The following RIMS1 variants were observed in gnomAD, a reference collection of about 807,000 sequenced individuals.
RIMS1 encodes regulating synaptic membrane exocytosis protein 1.
In RIMS1, 83 loss-of-function variants were observed where a neutral mutation model predicts 214.1. That is an observed-to-expected ratio of 0.39 (90% CI 0.32 to 0.47). RIMS1 has a LOEUF of 0.47. Among genes scored for constraint, RIMS1 ranks in the 20% least tolerant of loss-of-function variants. RIMS1 has a pLI of 0.99. For synonymous variants in RIMS1, 793 were observed against 786.8 expected (o/e 1.01, Z -0.13); for missense variants, 2,050 against 2,161.8 (o/e 0.95, Z 1.03).
intron 2 of RIMS1, among the ~76,000 whole-genome samples, chr6:72,067,376 C>A (rs184780779): frequency 1.1e-4 from 17 of 152,186 alleles, no homozygotes; most frequent in African/African-American, 3.4e-4. Flanking sequence ...TCCCTCAGTG[C>A]CTTTGTACTT....
chr6:72,135,004 G>A (rs909601584), intron 4 of RIMS1, among the ~76,000 whole-genome samples: 5 of 151,926 alleles, frequency 3.3e-5, no homozygotes, highest in Middle Eastern at 3.2e-3. Context: ...CAAAATTTTC[G>A]TTAAATGATA....
chr6:71,970,490 A>G (rs1300688523), intron 2 of RIMS1, among the ~76,000 whole-genome samples: 1 of 152,214 alleles, frequency 6.6e-6, no homozygotes, highest in East Asian at 1.9e-4. Flanking sequence ...GGTCTCACCT[A>G]TTCCAAAGTT....
chr6:72,318,251 T>C (rs2095928258), intron 28 of RIMS1, among the ~76,000 whole-genome samples: 1 of 152,180 alleles, frequency 6.6e-6, no homozygotes, highest in Admixed American at 6.5e-5. Flanking sequence ...TATTGGTGTA[T>C]GCTTTTAATT....
intron 1 of RIMS1, among the ~76,000 whole-genome samples, chr6:71,924,411 A>G (rs1010506976): frequency 2.6e-5 from 4 of 152,124 alleles, no homozygotes; most frequent in Non-Finnish European, 2.9e-5. Context: ...CGTAAAGAGG[A>G]CGTAAAGATT....
At chr6:71,999,921 T>C (rs1804618877) in intron 2 of RIMS1, among the ~76,000 whole-genome samples, 1 of 152,168 alleles carries the variant, frequency 6.6e-6, no homozygotes, top group Admixed American at 6.5e-5. Flanking sequence ...AGAAGGATAG[T>C]TGAATGTCAG....
At chr6:72,367,127 C>T (rs966873300) in intron 29 of RIMS1, among the ~76,000 whole-genome samples, 3 of 152,028 alleles carry the variant, frequency 2.0e-5, no homozygotes, top group Non-Finnish European at 4.4e-5. Context: ...ATTGTAATAT[C>T]CAAATATGAT....
intron 1 of RIMS1, among the ~76,000 whole-genome samples, chr6:71,902,204 A>AT (rs965338469): frequency 2.0e-5 from 3 of 151,966 alleles, no homozygotes; most frequent in Non-Finnish European, 2.9e-5. Flanking sequence ...GTCTGTTTCT[A>AT]TTTTTTCTGT....
At chr6:72,055,484 T>C (rs1460030230) in intron 2 of RIMS1, among the ~76,000 whole-genome samples, 1 of 152,182 alleles carries the variant, frequency 6.6e-6, no homozygotes, top group African/African-American at 2.4e-5. Flanking sequence ...CTCTTCCTAT[T>C]TAGATGCTTT....
At chr6:71,950,663 G>A (rs1789185454) in intron 1 of RIMS1, among the ~76,000 whole-genome samples, 1 of 152,172 alleles carries the variant, frequency 6.6e-6, no homozygotes, top group Non-Finnish European at 1.5e-5. Context: ...ATTTCTGTAT[G>A]TGTGTCTGAG....
intron 2 of RIMS1, among the ~76,000 whole-genome samples, chr6:72,017,315 A>G (rs1451254172): frequency 3.3e-5 from 5 of 152,224 alleles, no homozygotes; most frequent in Admixed American, 2.6e-4. Flanking sequence ...GGTAATAATA[A>G]TTTGCTTTTT....
chr6:71,896,448 C>G (rs1368257164), intron 1 of RIMS1, among the ~76,000 whole-genome samples: 1 of 152,092 alleles, frequency 6.6e-6, no homozygotes, highest in African/African-American at 2.4e-5. Context: ...CTTTAACAGT[C>G]ACTATTGGGT....
At chr6:72,282,961 G>A (rs978333912) in intron 23 of RIMS1, among the ~76,000 whole-genome samples, 23 of 152,072 alleles carry the variant, frequency 1.5e-4, no homozygotes, top group African/African-American at 5.3e-4. Context: ...GAAGAGATTG[G>A]GAGAGATGAG....
At chr6:72,346,788 A>G (rs1467720969) in intron 29 of RIMS1, among the ~76,000 whole-genome samples, 3 of 151,882 alleles carry the variant, frequency 2.0e-5, no homozygotes, top group Non-Finnish European at 2.9e-5. Context: ...GTCAATAAAC[A>G]TAGTTTTATT....
intron 23 of RIMS1, 118 bp downstream of exon 23, chr6:72,274,550 G>T: frequency 1.3e-6 from 1 of 744,384 alleles, no homozygotes; most frequent in Non-Finnish European, 2.4e-6. Flanking sequence ...GCCAGAGCCA[G>T]ATATGTTAGA....
chr6:72,252,282 G>A (rs951795305), intron 15 of RIMS1, among the ~76,000 whole-genome samples: 5 of 152,060 alleles, frequency 3.3e-5, no homozygotes, highest in African/African-American at 1.2e-4. Flanking sequence ...GTTTAATGAA[G>A]TATAATGACT....
intron 2 of RIMS1, among the ~76,000 whole-genome samples, chr6:72,027,620 C>T (rs988651138): frequency 6.6e-6 from 1 of 152,088 alleles, no homozygotes; most frequent in Non-Finnish European, 1.5e-5. Flanking sequence ...GTACACTTGA[C>T]TCTCTCTTCA....
At chr6:72,220,081 C>G (rs1332626907) in intron 6 of RIMS1, among the ~76,000 whole-genome samples, 1 of 152,010 alleles carries the variant, frequency 6.6e-6, no homozygotes, top group Non-Finnish European at 1.5e-5. Context: ...TATGTACTCA[C>G]AAAGCTCATT....
intron 23 of RIMS1, 54 bp downstream of exon 23, chr6:72,274,486 C>A: frequency 7.5e-7 from 1 of 1,334,324 alleles, no homozygotes; most frequent in Non-Finnish European, 1.1e-6. Context: ...TTATAGGCCA[C>A]CAACTGAAGG....
At chr6:72,235,557 T>A (rs1238580071) in intron 7 of RIMS1, 61 bp from the exon 8 acceptor site, 2 of 1,051,948 alleles carry the variant, frequency 1.9e-6, no homozygotes, top group African/African-American at 1.6e-5. Flanking sequence ...TCATTCTTTT[T>A]ATAGCTGAAT....
Sources: allele counts gnomAD v4.1 joint callset (sites outside exome capture counted in the v4.1 genomes callset), GRCh38; gene constraint gnomAD v4.1.1; transcripts MANE v1.5; gene names NCBI Gene and HGNC (gene_info 2026-07-23, HGNC 2026-07-21).